UBXN2A: variants seen among roughly 807,000 people sequenced by gnomAD.
UBXN2A encodes UBX domain protein 2A.
Under a neutral mutation model 28.4 loss-of-function variants are expected in UBXN2A, and 28 were observed. The observed-to-expected ratio is 0.99, with a 90% confidence interval of 0.73 to 1.35. UBXN2A has a LOEUF of 1.35. UBXN2A is among the 40% of genes most tolerant of loss of function. The pLI is 0.00. For missense variants in UBXN2A, 253 were observed against 297.9 expected (o/e 0.85, Z 1.11); for synonymous variants, 97 against 103.6 (o/e 0.94, Z 0.39).
At chr2:23,991,781 TTTTG>T (rs1211914575) in intron 6 of UBXN2A, among the ~76,000 whole-genome samples, 4 of 151,454 alleles carry the variant, frequency 2.6e-5, no homozygotes, top group South Asian at 2.1e-4. Context: ...CTTTTTTGTT[TTTTG>T]TTTGTTTGTT....
chr2:23,985,860 A>G (rs1369033609), intron 6 of UBXN2A, among the ~76,000 whole-genome samples: 1 of 152,094 alleles, frequency 6.6e-6, no homozygotes, highest in Non-Finnish European at 1.5e-5. Flanking sequence ...TTAGCTGAAC[A>G]TGGTGATGCA....
At chr2:23,967,182 C>T (rs1414706279) in intron 2 of UBXN2A, among the ~76,000 whole-genome samples, 2 of 152,172 alleles carry the variant, frequency 1.3e-5, no homozygotes, top group East Asian at 1.9e-4. Flanking sequence ...GTTTCTTACT[C>T]GTCTTCATAT....
upstream of UBXN2A, chr2:23,940,428 C>A (rs1705688101): frequency 8.5e-6 from 1 of 117,064 alleles, no homozygotes; most frequent in African/African-American, 2.7e-5. Context: ...TCCGCGCGCG[C>A]TCCTCGGGTC....
chr2:23,981,273 T>C (rs2138530), intron 4 of UBXN2A, among the ~76,000 whole-genome samples: 143,376 of 143,594 alleles, frequency 1, 71,579 homozygotes, highest in East Asian at 1. Flanking sequence ...ATTAAACCAG[T>C]CCGGCCAACA....
rs779915411 is a variant in UBXN2A at position 23,958,404 on chromosome 2, G to A, written c.41+49G>A. On this transcript the variant is annotated intron_variant, in intron 2 of 6. Transcript: ENST00000309033. ...CTTTGTTAATGCCTTTGTTAATATCGTCCTGTATTTTTATTACATTTCACT... is the reference window on the plus strand; with the variant it reads ...CTTTGTTAATGCCTTTGTTAATATCATCCTGTATTTTTATTACATTTCACT... 5.3e-5 allele frequency: 80 copies of A among 1,519,348 alleles called. 1 individual carries two copies. In the South Asian group the frequency reaches 7.9e-4, roughly 15 times the overall value. The allele number at this position is 1,519,348 out of a possible 1,614,324, so 94.1% of individuals were successfully genotyped here.
chr2:23,988,254 C>G (rs1420579235), intron 6 of UBXN2A, among the ~76,000 whole-genome samples: 1 of 152,136 alleles, frequency 6.6e-6, no homozygotes, highest in East Asian at 1.9e-4. Flanking sequence ...CCCACATAAC[C>G]ACAATACAGC....
intron 1 of UBXN2A, among the ~76,000 whole-genome samples, chr2:23,947,088 G>C (rs1706124092): frequency 1.3e-5 from 2 of 152,110 alleles, no homozygotes; most frequent in Admixed American, 6.5e-5. Context: ...GGGTCTCACT[G>C]TGTTGCCTAG....
chr2:23,965,470 A>G (rs1057356665), intron 2 of UBXN2A, among the ~76,000 whole-genome samples: 1 of 152,134 alleles, frequency 6.6e-6, no homozygotes, highest in Non-Finnish European at 1.5e-5. Flanking sequence ...TGTTGATATG[A>G]TTATATTATT....
chr2:23,943,863 G>T, intron 1 of UBXN2A: 1 of 379,736 alleles, frequency 2.6e-6, no homozygotes. Context: ...CACTCTTGCT[G>T]AGACATGTTG....
chr2:23,978,333 G>A (rs1049348084), intron 4 of UBXN2A, among the ~76,000 whole-genome samples: 10 of 152,070 alleles, frequency 6.6e-5, no homozygotes, highest in Non-Finnish European at 1.0e-4. Context: ...GAGGCTGCCC[G>A]ATTCATGAAT....
chr2:23,984,078 C>T (rs1026845338), intron 5 of UBXN2A, among the ~76,000 whole-genome samples: 1 of 152,126 alleles, frequency 6.6e-6, no homozygotes, highest in African/African-American at 2.4e-5. Flanking sequence ...AGTATCAAAG[C>T]CTTAAATTAT....
intron 1 of UBXN2A, among the ~76,000 whole-genome samples, chr2:23,949,451 G>C (rs1007064720): frequency 1.1e-4 from 16 of 150,350 alleles, no homozygotes; most frequent in African/African-American, 3.9e-4. Context: ...CATGCCTGTA[G>C]TCCCCAGCTA....
At chr2:23,945,040 T>C (rs1705991096) in intron 1 of UBXN2A, among the ~76,000 whole-genome samples, 1 of 152,174 alleles carries the variant, frequency 6.6e-6, no homozygotes, top group Admixed American at 6.5e-5. Context: ...ATCCAAGTCA[T>C]GTACCACTTT....
At chr2:23,946,717 A>G (rs1316634308) in intron 1 of UBXN2A, among the ~76,000 whole-genome samples, 1 of 152,004 alleles carries the variant, frequency 6.6e-6, no homozygotes, top group Admixed American at 6.6e-5. Flanking sequence ...CAGCCTCCCA[A>G]AGTGCTGGGA....
intron 1 of UBXN2A, among the ~76,000 whole-genome samples, chr2:23,948,158 A>C (rs1451990003): frequency 6.7e-6 from 1 of 150,284 alleles, no homozygotes; most frequent in Non-Finnish European, 1.5e-5. Context: ...CCGGGCTTTT[A>C]AAAAGTTTAA....
chr2:23,933,095 A>G (rs893870078), intron 1 of UBXN2A, among the ~76,000 whole-genome samples: 1 of 152,084 alleles, frequency 6.6e-6, no homozygotes, highest in African/African-American at 2.4e-5. Flanking sequence ...ACAGAGCGAG[A>G]CTCCATCTCA....
Position 23,982,886 on chromosome 2 carries a change from G to A in UBXN2A, c.288-10G>A. 1 of 1,581,486 alleles carries A rather than the reference G, an allele frequency of 6.3e-7. No individual in the cohort carries two copies. Among genetic ancestry groups the A allele is most frequent in the Non-Finnish European group, 8.6e-7 (1 of 1,165,900 alleles). On this transcript the variant is annotated splice_polypyrimidine_tract_variant and intron_variant, in intron 4 of 6. Coordinates refer to ENST00000309033, the MANE Select transcript of UBXN2A (RefSeq NM_181713.4). ...GGGAGCTTTATCATTTTCTTTCTTT[G>A]TTTTCCAAGGGAATTACCTTCAGAA...
At chr2:23,969,947 C>A (rs1459990003) in intron 2 of UBXN2A, among the ~76,000 whole-genome samples, 1 of 151,870 alleles carries the variant, frequency 6.6e-6, no homozygotes, top group African/African-American at 2.4e-5. Flanking sequence ...TTTCTGTTAC[C>A]AAAAAAACGC....
In UBXN2A at chr2:23,999,774, G is replaced by A; in HGVS notation, c.687G>A (p.Glu229=). ...TALPVLRLLD[E]TLTLEEADLQ... is the part of the protein sequence containing the mutation. Reference sequence around the variant, plus strand: ...TTCCTGTCCTCAGGTTGCTAGATGAGACACTCACACTGGAAGAAGCAGATT... The same window carrying A: ...TTCCTGTCCTCAGGTTGCTAGATGAAACACTCACACTGGAAGAAGCAGATT... Residue 229 remains glutamate (E), a synonymous_variant, in exon 7 of 7, where the codon GAG becomes GAA. Coordinates refer to ENST00000309033, the MANE Select transcript of UBXN2A (RefSeq NM_181713.4). 1 of 1,614,134 alleles carries A rather than the reference G, an allele frequency of 6.2e-7. No individual in the cohort carries two copies. Among genetic ancestry groups the A allele is most frequent in the Non-Finnish European group, 8.5e-7 (1 of 1,180,032 alleles).
Sources: allele counts gnomAD v4.1 joint callset (sites outside exome capture counted in the v4.1 genomes callset), GRCh38; gene constraint gnomAD v4.1.1; transcripts MANE v1.5; gene names NCBI Gene and HGNC (gene_info 2026-07-23, HGNC 2026-07-21).